The following UBAC2 variants were observed in gnomAD, a reference collection of about 807,000 sequenced individuals.
UBAC2 encodes UBA domain containing 2.
UBAC2 carries 26 observed loss-of-function variants against 44.0 expected under a neutral mutation model. That is an observed-to-expected ratio of 0.59 (90% confidence interval 0.43 to 0.82). The LOEUF (loss-of-function observed/expected upper bound fraction) is 0.82. UBAC2 is among the 40% of genes least tolerant of loss of function. The probability of loss-of-function intolerance (pLI) is 0.00; values close to 1 mark genes in which losing one functional copy is unlikely to be tolerated. For synonymous variants in UBAC2, 155 were observed against 154.3 expected (o/e 1.00, Z -0.04); for missense variants, 329 against 419.4 (o/e 0.78, Z 1.88).
At chr13:99,309,726 A>G (rs946488863) in intron 4 of UBAC2, among the ~76,000 whole-genome samples, 7 of 150,936 alleles carry the variant, frequency 4.6e-5, no homozygotes, top group African/African-American at 1.7e-4. Flanking sequence ...TCAGCTTCCT[A>G]AGTAGCTGGG....
At chr13:99,213,037 T>C (rs1248406809) in intron 1 of UBAC2, among the ~76,000 whole-genome samples, 2 of 152,216 alleles carry the variant, frequency 1.3e-5, no homozygotes, top group Non-Finnish European at 1.5e-5. Context: ...GGTCATTCTT[T>C]TAGACTTTTT....
chr13:99,338,039 C>CTTTTTTCT lies in UBAC2; in HGVS notation c.562-2275_562-2274insCTTTTTTT, dbSNP rs1566509471. Among the ~76,000 whole-genome samples the CTTTTTTCT allele has an allele frequency of 5.1e-4, 47 of 91,536 alleles. 1 individual carries two copies. The highest frequency in any genetic ancestry group is 1.3e-3 in the African/African-American group (26 of 19,844). 60.1% of individuals were successfully genotyped at this position (91,536 alleles called of 152,430 possible). On this transcript the variant is annotated intron_variant, in intron 6 of 8. Coordinates refer to ENST00000403766, the MANE Select transcript of UBAC2 (RefSeq NM_001144072.2). ...GCAAAAAAATCTCCTAACTTTTTTT[C>CTTTTTTCT]TTTTTTTCTTTTTTTTTTTTTTTTT...
intron 5 of UBAC2, among the ~76,000 whole-genome samples, chr13:99,316,266 T>C (rs1047604354): frequency 4.6e-5 from 7 of 152,072 alleles, no homozygotes; most frequent in African/African-American, 1.7e-4. Context: ...CAACTCCCCC[T>C]GTGCCCACCT....
intron 7 of UBAC2, among the ~76,000 whole-genome samples, chr13:99,363,607 G>A (rs1022410062): frequency 6.6e-6 from 1 of 152,228 alleles, no homozygotes; most frequent in Middle Eastern, 3.2e-3. Context: ...TAAGAAGGGC[G>A]AGCCCCTGCC....
chr13:99,325,740 C>G (rs987530442), intron 6 of UBAC2, among the ~76,000 whole-genome samples: 2 of 152,164 alleles, frequency 1.3e-5, no homozygotes, highest in African/African-American at 4.8e-5. Flanking sequence ...CTCTCTGATT[C>G]TGTGAAATTG....
intron 4 of UBAC2, among the ~76,000 whole-genome samples, chr13:99,262,478 G>A (rs1194584296): frequency 2.6e-5 from 4 of 152,062 alleles, no homozygotes; most frequent in Non-Finnish European, 5.9e-5. Flanking sequence ...TGAGGCGGGT[G>A]GATCACCTGA....
intron 7 of UBAC2, among the ~76,000 whole-genome samples, chr13:99,353,467 G>C (rs561321945): frequency 6.6e-6 from 1 of 152,186 alleles, no homozygotes; most frequent in Admixed American, 6.5e-5. Flanking sequence ...ATCCTGCCTT[G>C]GTGTCTTCAT....
chr13:99,223,823 G>C (rs1419220278), intron 1 of UBAC2, among the ~76,000 whole-genome samples: 1 of 151,896 alleles, frequency 6.6e-6, no homozygotes, highest in East Asian at 1.9e-4. Context: ...GTTGGCTTCT[G>C]ATTTTTTTGT....
At chr13:99,338,071 T>TTTTTTTA (rs1555330450) in intron 6 of UBAC2, among the ~76,000 whole-genome samples, 1 of 105,076 alleles carries the variant, frequency 9.5e-6, no homozygotes, top group African/African-American at 3.4e-5. Flanking sequence ...TTTTTTTTTT[T>TTTTTTTA]TTTTGAGACA....
chr13:99,357,605 A>G (rs2138871517), intron 7 of UBAC2, among the ~76,000 whole-genome samples: 1 of 152,340 alleles, frequency 6.6e-6, no homozygotes, highest in Non-Finnish European at 1.5e-5. Context: ...ATTGCAAATA[A>G]CTGTCTTCTA....
chr13:99,210,198 C>A (rs1217405806), intron 1 of UBAC2, among the ~76,000 whole-genome samples: 1 of 152,030 alleles, frequency 6.6e-6, no homozygotes, highest in African/African-American at 2.4e-5. Context: ...TTTGAAATAA[C>A]TGACTTTGTT....
chr13:99,244,749 A>G (rs2043361121), intron 4 of UBAC2, 125 bp downstream of exon 4: 2 of 539,900 alleles, frequency 3.7e-6, no homozygotes, highest in Admixed American at 3.7e-5. Flanking sequence ...AATTGATTTT[A>G]TATGTAAAAA....
intron 6 of UBAC2, among the ~76,000 whole-genome samples, chr13:99,337,472 G>A (rs891396443): frequency 1.3e-5 from 2 of 151,610 alleles, no homozygotes; most frequent in Non-Finnish European, 2.9e-5. Context: ...TTTTATCCCT[G>A]GTTGCTTTTA....
intron 4 of UBAC2, among the ~76,000 whole-genome samples, chr13:99,309,179 C>T (rs1048274159): frequency 1.1e-4 from 16 of 151,152 alleles, no homozygotes; most frequent in Admixed American, 2.6e-4. Flanking sequence ...GGTGTGCTGT[C>T]GGCTCACTGC....
At chr13:99,213,976 A>G (rs1254220434) in intron 1 of UBAC2, among the ~76,000 whole-genome samples, 1 of 151,356 alleles carries the variant, frequency 6.6e-6, no homozygotes, top group Non-Finnish European at 1.5e-5. Flanking sequence ...GCACCACCAC[A>G]CCTGGCTAAT....
At chr13:99,336,721 T>TA (rs966135387) in intron 6 of UBAC2, among the ~76,000 whole-genome samples, 1 of 152,208 alleles carries the variant, frequency 6.6e-6, no homozygotes, top group African/African-American at 2.4e-5. Context: ...TGATAGGACT[T>TA]ACGTTTCTTT....
rs1040919162 is a variant in UBAC2, at chr13:99,284,645, T to C, written c.390-29452T>C. On this transcript the variant is annotated intron_variant, in intron 4 of 8. Coordinates refer to ENST00000403766, the MANE Select transcript of UBAC2 (RefSeq NM_001144072.2). ...CTGGCAATTGTCCAAATAATGTCCT[T>C]TATGGCAAAAAGGAAAATCAAAATT... Among the ~76,000 whole-genome samples the C allele has an allele frequency of 2.6e-5, 4 of 152,346 alleles. No homozygotes were observed. The East Asian group carries it at 5.8e-4, about 22-fold the overall frequency.
At chr13:99,201,225 C>T (rs2042792781) in intron 1 of UBAC2, 9 of 1,427,246 alleles carry the variant, frequency 6.3e-6, no homozygotes, top group South Asian at 1.6e-5. Context: ...TGCAAGTGGG[C>T]AGGTGCCCTG....
intron 4 of UBAC2, chr13:99,256,493 A>G (rs1195463445): frequency 6.6e-6 from 1 of 152,144 alleles, no homozygotes; most frequent in Non-Finnish European, 1.5e-5. Context: ...CAGCTGCTCT[A>G]CTTCAGTGGT....
Sources: gnomAD v4.1 joint callset for allele counts (sites outside exome capture counted in the v4.1 genomes callset) on GRCh38, gnomAD v4.1.1 for gene constraint, MANE v1.5 for transcripts, NCBI Gene and HGNC (gene_info 2026-07-23, HGNC 2026-07-21) for gene names.